TXNDC16: variants seen among roughly 807,000 people sequenced by gnomAD.
TXNDC16 encodes the protein thioredoxin domain containing 16.
A neutral mutation model predicts 85.6 loss-of-function variants in TXNDC16; 74 were observed. The observed-to-expected ratio is 0.86, with a 90% CI of 0.72 to 1.05. The LOEUF is 1.05. TXNDC16 is among the 50% of genes least tolerant of loss of function. The pLI, the probability that TXNDC16 is intolerant of heterozygous loss-of-function variation, is 0.00. For synonymous variants in TXNDC16, 335 were observed against 326.5 expected (o/e 1.03, Z -0.28); for missense variants, 959 against 947.0 (o/e 1.01, Z -0.17).
intron 12 of TXNDC16, among the ~76,000 whole-genome samples, chr14:52,484,705 C>T (rs1406142894): frequency 6.6e-6 from 1 of 152,018 alleles, no homozygotes; most frequent in Non-Finnish European, 1.5e-5. Context: ...TATGGTGAAA[C>T]CCCGTCTCTA....
intron 1 of TXNDC16, among the ~76,000 whole-genome samples, chr14:52,548,550 G>C (rs2037985237): frequency 6.6e-6 from 1 of 152,124 alleles, no homozygotes; most frequent in Non-Finnish European, 1.5e-5. Flanking sequence ...GCCTCCAGTG[G>C]TATACCGAGT....
intron 14 of TXNDC16, among the ~76,000 whole-genome samples, chr14:52,479,833 C>T (rs1002571950): frequency 1.3e-5 from 2 of 151,926 alleles, no homozygotes; most frequent in Non-Finnish European, 2.9e-5. Context: ...CTAAAATTCA[C>T]ATGGAACCAA....
chr14:52,511,645 G>A (rs1049301281), intron 8 of TXNDC16, among the ~76,000 whole-genome samples: 3 of 151,936 alleles, frequency 2.0e-5, no homozygotes, highest in African/African-American at 7.2e-5. Context: ...TCTTTAATAT[G>A]GTAGTTTCTA....
At chr14:52,493,823 G>A (rs2036470293) in intron 9 of TXNDC16, among the ~76,000 whole-genome samples, 1 of 151,648 alleles carries the variant, frequency 6.6e-6, no homozygotes, top group South Asian at 2.1e-4. Context: ...CTCTCACCCA[G>A]GCTGGAGTGC....
At chr14:52,548,638 T>C (rs1338831350) in intron 1 of TXNDC16, among the ~76,000 whole-genome samples, 1 of 152,050 alleles carries the variant, frequency 6.6e-6, no homozygotes, top group African/African-American at 2.4e-5. Context: ...TCCCAGCACT[T>C]TGGGAGGCCG....
intron 14 of TXNDC16, among the ~76,000 whole-genome samples, chr14:52,478,236 C>G (rs1303731986): frequency 2.0e-5 from 3 of 152,136 alleles, no homozygotes; most frequent in African/African-American, 4.8e-5. Flanking sequence ...TGAAAGAGCA[C>G]AAACAGACAA....
intron 9 of TXNDC16, among the ~76,000 whole-genome samples, chr14:52,507,931 C>T (rs546375035): frequency 4.5e-4 from 68 of 152,314 alleles, no homozygotes; most frequent in African/African-American, 1.5e-3. Flanking sequence ...GGATTAAAGA[C>T]TTAAATGTTA....
At chr14:52,498,391 C>T (rs1426265815) in intron 9 of TXNDC16, among the ~76,000 whole-genome samples, 1 of 146,182 alleles carries the variant, frequency 6.8e-6, no homozygotes, top group Non-Finnish European at 1.5e-5. Flanking sequence ...CTTATATGTG[C>T]AAAACCCTAA....
intron 20 of TXNDC16, among the ~76,000 whole-genome samples, chr14:52,434,560 G>A (rs2034983255): frequency 6.6e-6 from 1 of 152,168 alleles, no homozygotes; most frequent in South Asian, 2.1e-4. Context: ...AAAGTTAAGT[G>A]TAAATCTCAA....
At chr14:52,491,169 T>C (rs2036395950) in intron 9 of TXNDC16, among the ~76,000 whole-genome samples, 164 bp from the exon 10 acceptor site, 1 of 152,020 alleles carries the variant, frequency 6.6e-6, no homozygotes, top group Admixed American at 6.6e-5. Flanking sequence ...ATGCTCCCAA[T>C]GCACCTATAT....
chr14:52,430,809 A>C lies in TXNDC16; in HGVS notation c.*1495T>G, dbSNP rs966315470. The C allele has an allele frequency of 1.3e-5, 2 of 152,220 alleles. No homozygotes were observed. The highest frequency in any genetic ancestry group is 4.8e-5 in the African/African-American group (2 of 41,462). 9.4% of individuals were successfully genotyped at this position (152,220 alleles called of 1,614,324 possible). A position where few individuals can be genotyped will look rare whatever the true frequency, so the allele number is the denominator to read the frequency against. On this transcript the variant is annotated 3_prime_UTR_variant, in exon 21 of 21. Transcript: ENST00000281741. The stretch of plus-strand genomic sequence containing the variant: ...CCCATATTAGAAATAAAAGCAAATG[A>C]AAATGAGTTTAATCAGGCATCACAT...
intron 4 of TXNDC16, among the ~76,000 whole-genome samples, chr14:52,541,367 A>G (rs1379184244): frequency 1.3e-5 from 2 of 152,188 alleles, no homozygotes. Context: ...ACTAAACAGT[A>G]TGATTATCCC....
rs10142845 is a variant in TXNDC16 at position 52,547,703 on chromosome 14, T to A, written c.-181-3332A>T. 9.2e-3 allele frequency among the ~76,000 whole-genome samples: 1,398 copies of A among 152,304 alleles called. 19 individuals are homozygous for A. The highest frequency in any genetic ancestry group is 0.032 in the African/African-American group (1,338 of 41,536). Reference sequence around the variant, plus strand: ...AGTTATCTCTCCCAGCACTGCCTTATGTGTTCAACAGGGGGTGGCAGACAG... The same window carrying A: ...AGTTATCTCTCCCAGCACTGCCTTAAGTGTTCAACAGGGGGTGGCAGACAG... On this transcript the variant is annotated intron_variant, in intron 1 of 20. Transcript: ENST00000281741.
intron 6 of TXNDC16, among the ~76,000 whole-genome samples, chr14:52,529,717 TTATA>T (rs1281508796): frequency 2.6e-5 from 3 of 116,846 alleles, no homozygotes; most frequent in Non-Finnish European, 3.3e-5. Context: ...ATAATGCCTA[TTATA>T]TATATTATAT....
At chr14:52,543,840 C>T (rs2140231119) in intron 2 of TXNDC16, among the ~76,000 whole-genome samples, 1 of 152,066 alleles carries the variant, frequency 6.6e-6, no homozygotes, top group South Asian at 2.1e-4. Flanking sequence ...GATATCAAAA[C>T]TACCTAGAAA....
intron 12 of TXNDC16, among the ~76,000 whole-genome samples, chr14:52,485,521 C>A (rs893425382): frequency 1.3e-5 from 2 of 152,186 alleles, no homozygotes; most frequent in African/African-American, 4.8e-5. Context: ...TACACTCACT[C>A]ACTGACTCAC....
intron 7 of TXNDC16, among the ~76,000 whole-genome samples, chr14:52,516,883 C>T (rs1456859184): frequency 6.6e-6 from 1 of 152,092 alleles, no homozygotes; most frequent in Non-Finnish European, 1.5e-5. Flanking sequence ...CACTGTCACT[C>T]TCTCTAGTAC....
At chr14:52,543,035 T>C (rs1240537027) in intron 3 of TXNDC16, among the ~76,000 whole-genome samples, 1 of 152,204 alleles carries the variant, frequency 6.6e-6, no homozygotes, top group African/African-American at 2.4e-5. Flanking sequence ...AAACTTAAAA[T>C]AGTTACACGC....
At chr14:52,517,608 G>C (rs908958313) in intron 7 of TXNDC16, among the ~76,000 whole-genome samples, 1 of 152,046 alleles carries the variant, frequency 6.6e-6, no homozygotes, top group African/African-American at 2.4e-5. Context: ...GGTTACCAGA[G>C]ATGAACCTTC....
Sources: allele counts gnomAD v4.1 joint callset (sites outside exome capture counted in the v4.1 genomes callset), GRCh38; gene constraint gnomAD v4.1.1; transcripts MANE v1.5; gene names NCBI Gene and HGNC (gene_info 2026-07-23, HGNC 2026-07-21).